RAD23B: variants seen among roughly 807,000 people sequenced by gnomAD.
RAD23B encodes RAD23 nucleotide excision repair protein B.
RAD23B carries 5 observed loss-of-function variants against 49.1 expected under a neutral mutation model. The observed-to-expected ratio is 0.10, with a 90% CI of 0.05 to 0.21. The LOEUF (loss-of-function observed/expected upper bound fraction) is 0.21, where lower values mean the gene tolerates loss of function less well. RAD23B is among the 10% of genes least tolerant of loss of function. The pLI, the probability that RAD23B is intolerant of heterozygous loss-of-function variation, is 1.00. For missense variants in RAD23B, 356 were observed against 486.7 expected, an observed-to-expected ratio of 0.73 and a Z score of 2.53; for synonymous variants, 184 against 165.4, an observed-to-expected ratio of 1.11 and a Z score of -0.86.
At chr9:107,327,111 AT>A (rs1348917448) in intron 9 of RAD23B, among the ~76,000 whole-genome samples, 2 of 152,136 alleles carry the variant, frequency 1.3e-5, no homozygotes, top group Non-Finnish European at 2.9e-5. Flanking sequence ...GATTTCAGTC[AT>A]TTGAGTCCTA....
chr9:107,316,479 T>A (rs978435781), intron 5 of RAD23B, among the ~76,000 whole-genome samples: 1 of 152,218 alleles, frequency 6.6e-6, no homozygotes, highest in Non-Finnish European at 1.5e-5. Flanking sequence ...TGATACTGAT[T>A]TCTGTATCTG....
chr9:107,300,656 A>G (rs1330792046), intron 2 of RAD23B, among the ~76,000 whole-genome samples: 1 of 152,188 alleles, frequency 6.6e-6, no homozygotes, highest in Non-Finnish European at 1.5e-5. Flanking sequence ...TAATATTCAG[A>G]TTATGTAAAG....
At chr9:107,294,673 G>A (rs1390431910) in intron 1 of RAD23B, among the ~76,000 whole-genome samples, 1 of 152,214 alleles carries the variant, frequency 6.6e-6, no homozygotes, top group Non-Finnish European at 1.5e-5. Context: ...TTCTTCTACA[G>A]ATACATTATG....
intron 1 of RAD23B, among the ~76,000 whole-genome samples, chr9:107,295,444 T>A (rs950629792): frequency 6.6e-6 from 1 of 152,196 alleles, no homozygotes; most frequent in Non-Finnish European, 1.5e-5. Flanking sequence ...ATAATTAGGT[T>A]TGAAAGAAAG....
intron 4 of RAD23B, among the ~76,000 whole-genome samples, chr9:107,310,079 A>G (rs1564247238): frequency 6.6e-6 from 1 of 152,198 alleles, no homozygotes; most frequent in Admixed American, 6.5e-5. Flanking sequence ...AGCGAAATCA[A>G]CAATAGCTTT....
At position 107,330,975 on chromosome 9, in the gene RAD23B, G is replaced by A. The variant is rs1018669596; in HGVS notation, c.*1319G>A. On this transcript the variant is annotated 3_prime_UTR_variant, in exon 10 of 10. Transcript: ENST00000358015. This position sits in a 1 kb window ranked among gnomAD's most constrained non-coding sequence, Gnocchi z 4.4. ...TTGGCATTGTTATTTAATCATAAAC[G>A]GGGCAGATGTCTACTTGTTCAGTTT... 6.6e-6 allele frequency: 1 copy of A among 152,444 alleles called. No homozygotes were observed. Among genetic ancestry groups the A allele is most frequent in the Non-Finnish European group, 1.5e-5 (1 of 68,016 alleles). The allele number at this position is 152,444 out of a possible 1,614,324, so 9.4% of individuals were successfully genotyped here.
chr9:107,289,408 A>G (rs1303405139), intron 1 of RAD23B, among the ~76,000 whole-genome samples: 2 of 152,016 alleles, frequency 1.3e-5, no homozygotes, highest in African/African-American at 2.4e-5. Flanking sequence ...CTGGTCTCCA[A>G]CTTCTAGCCT....
chr9:107,311,508 T>C (rs1298509280), intron 4 of RAD23B, among the ~76,000 whole-genome samples, 174 bp from the exon 5 acceptor site: 1 of 152,216 alleles, frequency 6.6e-6, no homozygotes, highest in African/African-American at 2.4e-5. Flanking sequence ...ACCACAAATG[T>C]TGTAGATAAA....
intron 3 of RAD23B, 91 bp downstream of exon 3, chr9:107,302,205 C>T (rs1428149627): frequency 1.3e-6 from 2 of 1,569,936 alleles, no homozygotes; most frequent in Non-Finnish European, 1.7e-6. Flanking sequence ...ACAGTTTATA[C>T]ACATCCATAG....
intron 1 of RAD23B, among the ~76,000 whole-genome samples, chr9:107,290,624 A>G (rs1452771247): frequency 1.3e-5 from 2 of 152,194 alleles, no homozygotes; most frequent in East Asian, 3.8e-4. Flanking sequence ...GAGTAATAAT[A>G]ATTGAACTGC....
In RAD23B at chr9:107,322,000, A is replaced by T. The variant is rs1362516465; in HGVS notation, c.699A>T (p.Arg233Ser). ...TATTACAGGGAATCCCTGGAGATAG[A>T]GAAAGTCAGGCTGTGGTTGACCCCC... ...EYLLMGIPGD[R>S]ESQAVVDPPQ... The change falls in exon 7 of 10, where the codon AGA (arginine) becomes AGT (serine). Residue 233 changes from arginine (R) to serine (S), a missense_variant. Coordinates refer to ENST00000358015, the MANE Select transcript of RAD23B (RefSeq NM_002874.5). The T allele has an allele frequency of 6.2e-7, 1 of 1,610,748 alleles. No homozygotes were observed. Among genetic ancestry groups the T allele is most frequent in the South Asian group, 1.1e-5 (1 of 90,498 alleles).
chr9:107,297,706 CT>C (rs370317056), intron 1 of RAD23B, among the ~76,000 whole-genome samples: 3,088 of 131,884 alleles, frequency 0.023, 78 homozygotes, highest in African/African-American at 0.067. Context: ...ACTAAAGGGC[CT>C]TTTTTTTTTT....
At chr9:107,327,232 A>G (rs1587866361) in intron 9 of RAD23B, among the ~76,000 whole-genome samples, 1 of 148,900 alleles carries the variant, frequency 6.7e-6, no homozygotes, top group African/African-American at 2.4e-5. Flanking sequence ...GATTCTCCCT[A>G]TTGTTTTTCT....
chr9:107,328,033 C>T (rs1223765348), intron 9 of RAD23B, among the ~76,000 whole-genome samples: 1 of 152,138 alleles, frequency 6.6e-6, no homozygotes, highest in Non-Finnish European at 1.5e-5. Flanking sequence ...ATAGTATATA[C>T]CTTTTTCTAT....
chr9:107,290,921 A>G (rs1477035245), intron 1 of RAD23B, among the ~76,000 whole-genome samples: 1 of 152,234 alleles, frequency 6.6e-6, no homozygotes, highest in Admixed American at 6.5e-5. Flanking sequence ...GAAATTTGCT[A>G]AATTTAACCC....
intron 2 of RAD23B, among the ~76,000 whole-genome samples, chr9:107,300,838 T>C (rs1044094503): frequency 1.3e-5 from 2 of 152,154 alleles, no homozygotes; most frequent in African/African-American, 4.8e-5. Flanking sequence ...GTAAGGTGGG[T>C]GTTTGATCAC....
At chr9:107,313,829 C>G (rs937078940) in intron 5 of RAD23B, among the ~76,000 whole-genome samples, 24 of 152,178 alleles carry the variant, frequency 1.6e-4, no homozygotes, top group African/African-American at 5.6e-4. Flanking sequence ...CATCCACCCT[C>G]TGCCTCTTTT....
At position 107,307,788 on chromosome 9, in the gene RAD23B, A is replaced by C. The variant is rs1374088774; in HGVS notation, c.497+1141A>C. ...TTGGGGGTCTCTTTCTAAATAATTG[A>C]TTCCCTAAGAAGACAACATGGGTTT... On this transcript the variant is annotated intron_variant, in intron 4 of 9. Coordinates refer to ENST00000358015, the MANE Select transcript of RAD23B (RefSeq NM_002874.5). 2.6e-5 allele frequency among the ~76,000 whole-genome samples: 4 copies of C among 152,160 alleles called. No individual in the cohort carries two copies. In the East Asian group the frequency reaches 5.8e-4, roughly 22 times the overall value.
chr9:107,294,202 C>A (rs541010366), intron 1 of RAD23B, among the ~76,000 whole-genome samples: 28 of 152,278 alleles, frequency 1.8e-4, no homozygotes, highest in South Asian at 4.1e-4. Context: ...CCATGCCCAT[C>A]ATGTTTAATA....
Sources: gnomAD v4.1 joint callset for allele counts (sites outside exome capture counted in the v4.1 genomes callset) on GRCh38, gnomAD v4.1.1 for gene constraint, Gnocchi (gnomAD v3.1) non-coding constraint, MANE v1.5 for transcripts, NCBI Gene and HGNC (gene_info 2026-07-23, HGNC 2026-07-21) for gene names.